The following IRAK1BP1 variants were observed in gnomAD, a reference collection of about 807,000 sequenced individuals.
IRAK1BP1 encodes the protein interleukin-1 receptor-associated kinase 1-binding protein 1.
Under a neutral mutation model 28.0 loss-of-function variants are expected in IRAK1BP1, and 24 were observed. That is an observed-to-expected ratio of 0.86 (90% CI 0.62 to 1.20). The LOEUF (loss-of-function observed/expected upper bound fraction) is 1.20. Among genes scored for constraint, IRAK1BP1 ranks in the 50% most tolerant of loss-of-function variants. The probability of loss-of-function intolerance (pLI) is 0.00; values close to 1 mark genes in which losing one functional copy is unlikely to be tolerated. For synonymous variants in IRAK1BP1, 131 were observed against 116.3 expected (o/e 1.13, Z -0.81); for missense variants, 336 against 316.7 (o/e 1.06, Z -0.46).
chr6:78,907,073 T>C (rs1328584939), downstream of IRAK1BP1, among the ~76,000 whole-genome samples: 1 of 152,170 alleles, frequency 6.6e-6, no homozygotes, highest in African/African-American at 2.4e-5. Context: ...AAACTGTCAC[T>C]ACACTATTTG....
At chr6:78,873,959 T>G (rs1770892955) in intron 1 of IRAK1BP1, among the ~76,000 whole-genome samples, 1 of 152,212 alleles carries the variant, frequency 6.6e-6, no homozygotes, top group Admixed American at 6.5e-5. Flanking sequence ...GCAAGAACCT[T>G]GCTTTACGTA....
chr6:78,903,731 G>A (rs892123056), downstream of IRAK1BP1, among the ~76,000 whole-genome samples: 1 of 151,446 alleles, frequency 6.6e-6, no homozygotes, highest in Non-Finnish European at 1.5e-5. Flanking sequence ...GTGACAGTAC[G>A]TGTGGGACTG....
intron 4 of IRAK1BP1, among the ~76,000 whole-genome samples, chr6:78,926,649 T>A (rs1772898634): frequency 6.6e-6 from 1 of 152,124 alleles, no homozygotes; most frequent in Non-Finnish European, 1.5e-5. Context: ...TATTCATTGT[T>A]TCAATTTTTT....
At chr6:78,942,962 C>T (rs566766430) in intron 4 of IRAK1BP1, among the ~76,000 whole-genome samples, 2 of 152,008 alleles carry the variant, frequency 1.3e-5, no homozygotes, top group African/African-American at 2.4e-5. Context: ...GTTTAAAAAC[C>T]ACTGATATTG....
intron 4 of IRAK1BP1, among the ~76,000 whole-genome samples, chr6:78,908,990 T>A (rs1243002699): frequency 6.6e-6 from 1 of 152,182 alleles, no homozygotes; most frequent in Non-Finnish European, 1.5e-5. Flanking sequence ...CCTTTGGCAT[T>A]AGAACGTTGA....
At chr6:78,955,625 C>A in the IRAK1BP1 span, 1 of 1,029,554 alleles carries the variant, frequency 9.7e-7, no homozygotes, top group Non-Finnish European at 1.5e-6. Flanking sequence ...CAGAATCAGA[C>A]AAAACTTTCT....
intron 4 of IRAK1BP1, among the ~76,000 whole-genome samples, chr6:78,910,421 C>T (rs1345883884): frequency 6.6e-6 from 1 of 152,212 alleles, no homozygotes; most frequent in East Asian, 1.9e-4. Context: ...CAGGAATCAG[C>T]ATCAGAACAG....
At chr6:78,952,317 G>T in the IRAK1BP1 span, among the ~76,000 whole-genome samples, 1 of 151,482 alleles carries the variant, frequency 6.6e-6, no homozygotes, top group Non-Finnish European at 1.5e-5. Flanking sequence ...TACTCGTGAG[G>T]CCGAGGCAGG....
chr6:78,878,245 T>A (rs573310778), intron 1 of IRAK1BP1, among the ~76,000 whole-genome samples: 70 of 152,250 alleles, frequency 4.6e-4, no homozygotes, highest in Admixed American at 1.5e-3. Context: ...CACCTCCCAG[T>A]AGGGGCCAAC....
chr6:78,946,687 T>G, downstream of IRAK1BP1: 1 of 1,526,282 alleles, frequency 6.6e-7, no homozygotes, highest in Non-Finnish European at 8.7e-7. Flanking sequence ...GATCAGCTAG[T>G]GGTATTTAAA....
In IRAK1BP1 at chr6:78,928,756, C is replaced by T. The variant is rs570724958; in HGVS notation, c.*68-16652C>T. Among the ~76,000 whole-genome samples, 302 of 152,210 alleles carry T rather than the reference C, an allele frequency of 2.0e-3. 4 individuals carry two copies. Among genetic ancestry groups the T allele is most frequent in the African/African-American group, 6.8e-3 (282 of 41,544 alleles). On this transcript the variant is annotated intron_variant and NMD_transcript_variant, in intron 4 of 4. Coordinates refer to the IRAK1BP1 transcript ENST00000606868. ...TGTTGAATTTCATCAAATGCTTTTT[C>T]GGCATCAATTGAAATGATCATATGG...
At chr6:78,971,670 C>T in the IRAK1BP1 span, among the ~76,000 whole-genome samples, 56 of 152,174 alleles carry the variant, frequency 3.7e-4, no homozygotes, top group Middle Eastern at 3.4e-3. Context: ...AGTGGGTGCG[C>T]GCACCGTGTG....
At chr6:78,955,713 ATTAG>A in the IRAK1BP1 span, 1 of 715,966 alleles carries the variant, frequency 1.4e-6, no homozygotes, top group Non-Finnish European at 2.4e-6. Context: ...AACATGTAAG[ATTAG>A]AACCATGATA....
At chr6:78,904,144 CA>C (rs1477517139), downstream of IRAK1BP1, among the ~76,000 whole-genome samples, 2 of 152,216 alleles carry the variant, frequency 1.3e-5, no homozygotes, top group African/African-American at 4.8e-5. Context: ...GACACATATT[CA>C]AACTGTGTTT....
chr6:78,941,345 C>A, intron 4 of IRAK1BP1: 4 of 1,590,218 alleles, frequency 2.5e-6, no homozygotes, highest in Non-Finnish European at 3.4e-6. Context: ...AAGGGAACAA[C>A]AGTACACTTA....
chr6:78,959,793 A>G, the IRAK1BP1 span, among the ~76,000 whole-genome samples: 2 of 152,166 alleles, frequency 1.3e-5, no homozygotes, highest in African/African-American at 4.8e-5. Flanking sequence ...ATCTTGAAAT[A>G]CAGATGTTCC....
the IRAK1BP1 span, among the ~76,000 whole-genome samples, chr6:78,977,623 C>A: frequency 6.6e-6 from 1 of 151,974 alleles, no homozygotes; most frequent in Admixed American, 6.6e-5. Context: ...GACAACCTAA[C>A]CATTTTGAAA....
chr6:78,939,887 T>TA (rs1773400776), intron 4 of IRAK1BP1: 1 of 152,504 alleles, frequency 6.6e-6, no homozygotes, highest in African/African-American at 2.4e-5. Flanking sequence ...CTCTTTAGAA[T>TA]ATATAGCCTT....
At chr6:78,965,616 T>G in the IRAK1BP1 span, 1 of 755,820 alleles carries the variant, frequency 1.3e-6, no homozygotes, top group African/African-American at 1.8e-5. Flanking sequence ...CTCACAACTG[T>G]AAGTGGTAGC....
Sources: gnomAD v4.1 joint callset for allele counts (sites outside exome capture counted in the v4.1 genomes callset) on GRCh38, gnomAD v4.1.1 for gene constraint, MANE v1.5 for transcripts, NCBI Gene and HGNC (gene_info 2026-07-23, HGNC 2026-07-21) for gene names.